Variants in CFAP54 observed in about 807,000 individuals in gnomAD.
CFAP54 encodes cilia- and flagella-associated protein 54.
Under a neutral mutation model 370.4 loss-of-function variants are expected in CFAP54, and 290 were observed. That is an observed-to-expected ratio of 0.78 (90% CI 0.71 to 0.86). The LOEUF (loss-of-function observed/expected upper bound fraction) is 0.86, where lower values mean the gene tolerates loss of function less well. Ranked by LOEUF, CFAP54 falls within the 40% of genes least tolerant of loss-of-function variation. The probability of loss-of-function intolerance (pLI) is 0.00; values close to 1 mark genes in which losing one functional copy is unlikely to be tolerated. For synonymous variants in CFAP54, 1,206 were observed against 1,236.5 expected (o/e 0.98, Z 0.52); for missense variants, 3,399 against 3,528.7 (o/e 0.96, Z 0.93).
intron 66 of CFAP54, among the ~76,000 whole-genome samples, chr12:96,850,369 C>T (rs912296722): frequency 1.3e-5 from 2 of 150,036 alleles, no homozygotes; most frequent in African/African-American, 4.9e-5. Flanking sequence ...GAGCCAAGGG[C>T]GGAGCAGGAG....
intron 11 of CFAP54, 63 bp downstream of exon 11, chr12:96,534,290 G>A: frequency 4.2e-6 from 4 of 951,222 alleles, no homozygotes; most frequent in Non-Finnish European, 6.1e-6. Context: ...TTATAGATAT[G>A]GTGAGAGAAA....
At position 96,654,832 on chromosome 12, in the gene CFAP54, A is replaced by ATTTTT. The variant is rs10631171; in HGVS notation, c.5100+3029_5100+3033dup. Among the ~76,000 whole-genome samples the ATTTTT allele has an allele frequency of 3.0e-4, 39 of 132,124 alleles. 1 individual carries two copies. Among genetic ancestry groups the ATTTTT allele is most frequent in the East Asian group, 1.8e-3 (7 of 3,792 alleles). The allele number at this position is 132,124 out of a possible 152,430, so 86.7% of individuals were successfully genotyped here. On this transcript the variant is annotated intron_variant, in intron 36 of 67. Transcript: ENST00000524981. ...TTTTGTGTCTGGCTCATTTCACTTA[A>ATTTTT]TTTTTTTTTTTTTTTTAAGAAATGA...
intron 33 of CFAP54, 117 bp downstream of exon 33, chr12:96,644,525 C>G (rs796489839): frequency 5.7e-6 from 4 of 705,604 alleles, no homozygotes; most frequent in Middle Eastern, 3.5e-4. Context: ...GTGCTTCTAT[C>G]TTTATACTGG....
intron 29 of CFAP54, among the ~76,000 whole-genome samples, chr12:96,626,263 G>A (rs576092394): frequency 7.2e-5 from 11 of 151,954 alleles, no homozygotes; most frequent in African/African-American, 2.2e-4. Context: ...GTGGGTGCCC[G>A]TAATCCCAGC....
At chr12:96,624,966 T>C (rs1316975184) in intron 28 of CFAP54, among the ~76,000 whole-genome samples, 2 of 152,198 alleles carry the variant, frequency 1.3e-5, no homozygotes, top group Non-Finnish European at 2.9e-5. Flanking sequence ...ATGTGAATTA[T>C]TTATTTTCAT....
chr12:96,631,278 T>C (rs1956605095), intron 32 of CFAP54, among the ~76,000 whole-genome samples: 1 of 151,946 alleles, frequency 6.6e-6, no homozygotes, highest in African/African-American at 2.4e-5. Flanking sequence ...ACTATGCAAC[T>C]TAACATGTAA....
rs913972146 is a variant in CFAP54 at position 96,778,009 on chromosome 12, A to T, written c.8282-6708A>T. Among the ~76,000 whole-genome samples, 6 of 152,358 alleles carry T rather than the reference A, an allele frequency of 3.9e-5. No homozygotes were observed. The East Asian group carries it at 1.2e-3, about 29-fold the overall frequency. ...GTACAACTGTTATGTACCCGTACAA[A>T]TTTTAAAAATAAAAACAAAAGGTAA... On this transcript the variant is annotated intron_variant, in intron 60 of 67. Coordinates refer to ENST00000524981, the MANE Select transcript of CFAP54 (RefSeq NM_001306084.2).
chr12:96,849,574 G>T (rs1959476407), intron 66 of CFAP54, among the ~76,000 whole-genome samples: 1 of 152,172 alleles, frequency 6.6e-6, no homozygotes, highest in Non-Finnish European at 1.5e-5. Flanking sequence ...AAGGAAAATT[G>T]TTGGAACACA....
At chr12:96,534,811 T>A (rs1451609522) in intron 11 of CFAP54, among the ~76,000 whole-genome samples, 1 of 152,196 alleles carries the variant, frequency 6.6e-6, no homozygotes, top group Non-Finnish European at 1.5e-5. Context: ...TTGTACCAAG[T>A]AATGATATAT....
chr12:96,507,490 CTTTTA>C (rs1955116461), intron 4 of CFAP54, among the ~76,000 whole-genome samples: 1 of 151,558 alleles, frequency 6.6e-6, no homozygotes, highest in South Asian at 2.1e-4. Context: ...CCTCCTCCTA[CTTTTA>C]TTTTGAGTGA....
At chr12:96,575,793 A>G (rs548346927) in intron 19 of CFAP54, among the ~76,000 whole-genome samples, 8 of 152,178 alleles carry the variant, frequency 5.3e-5, no homozygotes, top group African/African-American at 1.7e-4. Context: ...ATTCTTTTGC[A>G]TGTAATGTCC....
At chr12:96,504,055 G>A in intron 3 of CFAP54, 26 bp downstream of exon 3, 1 of 1,482,706 alleles carries the variant, frequency 6.7e-7, no homozygotes, top group Non-Finnish European at 8.9e-7. Context: ...AGCTGAAATA[G>A]CTACAATTTA....
At chr12:96,865,883 T>C (rs999150767) in intron 67 of CFAP54, among the ~76,000 whole-genome samples, 5 of 152,124 alleles carry the variant, frequency 3.3e-5, no homozygotes, top group Non-Finnish European at 7.4e-5. Flanking sequence ...TATATACATA[T>C]GCCCAATTTT....
intron 66 of CFAP54, among the ~76,000 whole-genome samples, chr12:96,848,214 T>C (rs977811915): frequency 1.3e-5 from 2 of 152,006 alleles, no homozygotes; most frequent in African/African-American, 4.8e-5. Flanking sequence ...GTAGTTGGCA[T>C]TACAGGCATG....
chr12:96,694,381 T>C (rs1001792269), intron 45 of CFAP54, among the ~76,000 whole-genome samples: 6 of 152,162 alleles, frequency 3.9e-5, no homozygotes, highest in South Asian at 2.1e-4. Context: ...GCTCCCACTT[T>C]TGTTGAATTT....
At chr12:96,551,479 A>C (rs539354562) in intron 15 of CFAP54, among the ~76,000 whole-genome samples, 1 of 119,540 alleles carries the variant, frequency 8.4e-6, no homozygotes, top group African/African-American at 3.5e-5. Context: ...CGATTCTTGA[A>C]TGGGTATGTG....
At position 96,534,207 on chromosome 12, in the gene CFAP54, TA is replaced by T. The variant is rs746202185; in HGVS notation, c.1693del (p.Ile565LeufsTer8). 1.2e-5 allele frequency: 17 copies of T among 1,460,466 alleles called. No individual in the cohort carries two copies. The highest frequency in any genetic ancestry group is 7.3e-5 in the Admixed American group (3 of 41,268). The allele number at this position is 1,460,466 out of a possible 1,614,324, so 90.5% of individuals were successfully genotyped here. A position where few individuals can be genotyped will look rare whatever the true frequency, so the allele number is the denominator to read the frequency against. On this transcript the variant is annotated frameshift_variant, in exon 11 of 68. Transcript: ENST00000524981. LOFTEE classifies it high-confidence loss of function. ...YKEGQSTQIY[L>X]KKIAVHDTCL... ...GAAGGACAGTCAACTCAAATTTATT[TA>T]AAAAAAATTGCTGTTCATGGTAAGT...
At chr12:96,516,850 T>G (rs1384870756) in intron 5 of CFAP54, among the ~76,000 whole-genome samples, 1 of 152,224 alleles carries the variant, frequency 6.6e-6, no homozygotes, top group African/African-American at 2.4e-5. Flanking sequence ...GCTTGTCATT[T>G]TCTTTAAATG....
chr12:96,804,569 A>G (rs970928253), intron 63 of CFAP54, among the ~76,000 whole-genome samples: 3 of 152,112 alleles, frequency 2.0e-5, no homozygotes, highest in Non-Finnish European at 4.4e-5. Context: ...AAGGACATGA[A>G]AGGTCTCTAA....
Sources: allele counts gnomAD v4.1 joint callset (sites outside exome capture counted in the v4.1 genomes callset), GRCh38; gene constraint gnomAD v4.1.1; transcripts MANE v1.5; gene names NCBI Gene and HGNC (gene_info 2026-07-23, HGNC 2026-07-21).